The following NKAIN2 variants were observed in gnomAD, a reference collection of about 807,000 sequenced individuals.
NKAIN2 encodes the protein sodium/potassium-transporting ATPase subunit beta-1-interacting protein 2.
NKAIN2 carries 14 observed loss-of-function variants against 32.6 expected under a neutral mutation model. The ratio of observed to expected loss-of-function variants is 0.43; its 90% CI spans 0.28 to 0.67. The LOEUF (loss-of-function observed/expected upper bound fraction) is 0.67, where lower values mean the gene tolerates loss of function less well. Among genes scored for constraint, NKAIN2 ranks in the 30% least tolerant of loss-of-function variants. The probability of loss-of-function intolerance (pLI) is 0.17; values close to 1 mark genes in which losing one functional copy is unlikely to be tolerated. For missense variants in NKAIN2, 198 were observed against 258.3 expected (o/e 0.77, Z 1.60); for synonymous variants, 80 against 87.2 (o/e 0.92, Z 0.46).
chr6:124,386,110 AG>A (rs1772888482), intron 3 of NKAIN2, among the ~76,000 whole-genome samples: 1 of 152,148 alleles, frequency 6.6e-6, no homozygotes, highest in African/African-American at 2.4e-5. Flanking sequence ...AGAAGTCAGA[AG>A]GAGCCAAGTC....
chr6:124,657,395 C>T (rs1238527060), intron 3 of NKAIN2, among the ~76,000 whole-genome samples: 2 of 152,232 alleles, frequency 1.3e-5, no homozygotes, highest in East Asian at 1.9e-4. Flanking sequence ...GCCCATGTGC[C>T]ATTGATAGCT....
At chr6:124,171,064 T>C (rs948410248) in intron 1 of NKAIN2, among the ~76,000 whole-genome samples, 1 of 152,270 alleles carries the variant, frequency 6.6e-6, no homozygotes, top group Admixed American at 6.5e-5. Flanking sequence ...ATTTGAGATG[T>C]GTGGGAAAGA....
In NKAIN2 at chr6:123,880,979, G is replaced by A. The variant is rs138766318; in HGVS notation, c.54+76725G>A. 2.6e-5 allele frequency among the ~76,000 whole-genome samples: 4 copies of A among 152,254 alleles called. No homozygotes were observed. In the East Asian group the frequency reaches 7.7e-4, roughly 29 times the overall value. ...ATTTTCACCAAAGTTATATTACAGG[G>A]TGGGCAAGGCTGTGAGCAAGAAAAA... is the stretch of plus-strand genomic sequence containing the variant. On this transcript the variant is annotated intron_variant, in intron 1 of 6. Coordinates refer to ENST00000368417, the MANE Select transcript of NKAIN2 (RefSeq NM_001040214.3).
At chr6:124,618,728 C>A (rs977311865) in intron 3 of NKAIN2, among the ~76,000 whole-genome samples, 2 of 152,014 alleles carry the variant, frequency 1.3e-5, no homozygotes, top group African/African-American at 4.8e-5. Context: ...GCAATGAGAA[C>A]CATATTCATA....
At chr6:124,591,475 A>G (rs1562273363) in intron 3 of NKAIN2, among the ~76,000 whole-genome samples, 1 of 152,138 alleles carries the variant, frequency 6.6e-6, no homozygotes, top group Non-Finnish European at 1.5e-5. Flanking sequence ...TTCAAAGCCT[A>G]GAGCCATTTC....
rs137907680 is a variant in NKAIN2 at position 124,330,900 on chromosome 6, G to T, written c.193-24367G>T. On this transcript the variant is annotated intron_variant, in intron 2 of 6. Coordinates refer to ENST00000368417, the MANE Select transcript of NKAIN2 (RefSeq NM_001040214.3). ...GTGAATTGTGCATGCAAGAGATCTA[G>T]GTTGCGTGCTCCTTATGAGAATCTA... Among the ~76,000 whole-genome samples, 386 of 152,202 alleles carry T rather than the reference G, an allele frequency of 2.5e-3. 1 individual carries two copies. The highest frequency in any genetic ancestry group is 9.0e-3 in the African/African-American group (375 of 41,542).
intron 4 of NKAIN2, among the ~76,000 whole-genome samples, chr6:124,739,570 G>A (rs1415766): frequency 0.6 from 90,573 of 151,696 alleles, 27,429 homozygotes; most frequent in East Asian, 0.72. Flanking sequence ...TCAAGGTTAC[G>A]TAGTCTGTTA....
chr6:124,283,477 C>G, intron 2 of NKAIN2, among the ~76,000 whole-genome samples: 1 of 152,210 alleles, frequency 6.6e-6, no homozygotes, highest in South Asian at 2.1e-4. Flanking sequence ...AATTTTTTCT[C>G]ATTTTAAATA....
At chr6:124,329,603 A>G (rs144772343) in intron 2 of NKAIN2, among the ~76,000 whole-genome samples, 254 of 152,312 alleles carry the variant, frequency 1.7e-3, no homozygotes, top group Non-Finnish European at 3.3e-3. Flanking sequence ...CCCTGGATCC[A>G]CACATTCTAC....
intron 5 of NKAIN2, among the ~76,000 whole-genome samples, chr6:124,811,378 T>G (rs549498232): frequency 6.6e-6 from 1 of 152,272 alleles, no homozygotes; most frequent in Non-Finnish European, 1.5e-5. Context: ...AATACCTCAT[T>G]GCCAACATGT....
chr6:123,912,098 G>A (rs998886119), intron 1 of NKAIN2, among the ~76,000 whole-genome samples: 1 of 151,528 alleles, frequency 6.6e-6, no homozygotes, highest in Non-Finnish European at 1.5e-5. Flanking sequence ...GTCTTGCTTA[G>A]TACACCAATT....
chr6:123,875,557 T>C (rs1023008346), intron 1 of NKAIN2, among the ~76,000 whole-genome samples: 2 of 152,034 alleles, frequency 1.3e-5, no homozygotes, highest in Non-Finnish European at 2.9e-5. Flanking sequence ...GGTATCGTAC[T>C]CATATTTGTT....
At chr6:124,471,250 T>C (rs1172493875) in intron 3 of NKAIN2, among the ~76,000 whole-genome samples, 1 of 152,176 alleles carries the variant, frequency 6.6e-6, no homozygotes, top group Non-Finnish European at 1.5e-5. Flanking sequence ...ATTTGATCTT[T>C]TGTATGGGGC....
intron 3 of NKAIN2, among the ~76,000 whole-genome samples, chr6:124,624,041 A>AAAG (rs1294248044): frequency 6.6e-6 from 1 of 152,148 alleles, no homozygotes; most frequent in Admixed American, 6.5e-5. Context: ...TCCTAAGACA[A>AAAG]AAGTAGTATT....
chr6:124,323,975 T>A (rs1797312408), intron 2 of NKAIN2, among the ~76,000 whole-genome samples: 2 of 151,890 alleles, frequency 1.3e-5, no homozygotes, highest in South Asian at 4.2e-4. Flanking sequence ...GTATTTTTAA[T>A]GGTGACGGGG....
chr6:124,336,079 C>A (rs1319965187), intron 2 of NKAIN2, among the ~76,000 whole-genome samples: 1 of 152,088 alleles, frequency 6.6e-6, no homozygotes, highest in South Asian at 2.1e-4. Context: ...ACCAATAATT[C>A]ACTTTTACAT....
intron 1 of NKAIN2, among the ~76,000 whole-genome samples, chr6:124,254,808 C>CA (rs1186161561): frequency 5.9e-5 from 9 of 152,092 alleles, no homozygotes; most frequent in Non-Finnish European, 8.8e-5. Flanking sequence ...ACAACAGCAA[C>CA]AAAAAAGCAT....
chr6:124,028,625 T>C (rs948967309), intron 1 of NKAIN2, among the ~76,000 whole-genome samples: 4 of 150,024 alleles, frequency 2.7e-5, no homozygotes, highest in Non-Finnish European at 5.9e-5. Flanking sequence ...TTTAGCAAAA[T>C]AAATACACAT....
intron 3 of NKAIN2, among the ~76,000 whole-genome samples, chr6:124,554,702 A>G (rs918622357): frequency 2.0e-5 from 3 of 152,244 alleles, no homozygotes. Flanking sequence ...TTTTGGTTAA[A>G]AAGCTTTGGA....
Sources: allele counts gnomAD v4.1 joint callset (sites outside exome capture counted in the v4.1 genomes callset), GRCh38; gene constraint gnomAD v4.1.1; transcripts MANE v1.5; gene names NCBI Gene and HGNC (gene_info 2026-07-23, HGNC 2026-07-21).